The following S100Z variants were observed in gnomAD, a reference collection of about 807,000 sequenced individuals.
S100Z encodes the protein protein S100-Z.
In S100Z, 11 loss-of-function variants were observed where a neutral mutation model predicts 8.5. The observed-to-expected ratio is 1.30, with a 90% CI of 0.82 to 2.15. S100Z has a LOEUF of 2.15. S100Z is among the 30% of genes most tolerant of loss of function. The pLI, the probability that S100Z is intolerant of heterozygous loss-of-function variation, is 0.00. For synonymous variants in S100Z, 34 were observed against 43.8 expected (o/e 0.78, Z 0.89); for missense variants, 126 against 117.9 (o/e 1.07, Z -0.32).
chr5:76,854,677 G>A (rs1338723912), intron 1 of S100Z, among the ~76,000 whole-genome samples: 1 of 152,208 alleles, frequency 6.6e-6, no homozygotes, highest in African/African-American at 2.4e-5. Context: ...AAAATTTGCA[G>A]CCTAGCCATG....
intron 2 of S100Z, among the ~76,000 whole-genome samples, chr5:76,871,401 A>C (rs1350092576): frequency 6.6e-6 from 1 of 152,174 alleles, no homozygotes; most frequent in African/African-American, 2.4e-5. Flanking sequence ...TTTCATCTAC[A>C]TAAGAAGAAC....
chr5:76,869,683 A>G (rs1742933905), intron 1 of S100Z, among the ~76,000 whole-genome samples: 1 of 152,176 alleles, frequency 6.6e-6, no homozygotes, highest in Admixed American at 6.5e-5. Flanking sequence ...AAGGCCCCAA[A>G]GGTGGTGAAG....
intron 1 of S100Z, among the ~76,000 whole-genome samples, chr5:76,862,130 C>CGTGT (rs3053269): frequency 3.7e-3 from 548 of 147,136 alleles, no homozygotes; most frequent in Non-Finnish European, 6.1e-3. Flanking sequence ...AAGGAGTGTG[C>CGTGT]GTGTGTGTGT....
At chr5:76,928,022 C>T in the S100Z span, among the ~76,000 whole-genome samples, 2 of 152,188 alleles carry the variant, frequency 1.3e-5, no homozygotes, top group Admixed American at 6.5e-5. Flanking sequence ...GGGGCATGTG[C>T]TGGCATTACA....
At position 76,909,091 on chromosome 5, in the gene S100Z, TC is replaced by T. The variant is rs576572952; in HGVS notation, c.*3-11625del. ...GCAGGGTCCAGGGACCATTGTGGGT[TC>T]TTGGACAAGAGGTGTTTTCGGCTAC... On this transcript the variant is annotated intron_variant, in intron 4 of 4. Coordinates refer to ENST00000317593, the MANE Select transcript of S100Z (RefSeq NM_130772.4). 1.3e-4 allele frequency among the ~76,000 whole-genome samples: 20 copies of T among 152,282 alleles called. No homozygotes were observed. In the East Asian group the frequency reaches 3.1e-3, roughly 24 times the overall value.
At chr5:76,876,982 CT>C (rs2150642747) in intron 3 of S100Z, among the ~76,000 whole-genome samples, 1 of 152,302 alleles carries the variant, frequency 6.6e-6, no homozygotes, top group African/African-American at 2.4e-5. Flanking sequence ...ATGCAGGCAT[CT>C]TTATAAGACC....
chr5:76,898,936 T>TC (rs1554038884), intron 4 of S100Z, among the ~76,000 whole-genome samples: 8 of 140,804 alleles, frequency 5.7e-5, no homozygotes, highest in African/African-American at 2.1e-4. Context: ...TTCTTTTCTT[T>TC]TTTTTTTTTT....
At chr5:76,919,939 C>T (rs796109915) in intron 4 of S100Z, among the ~76,000 whole-genome samples, 4 of 144,218 alleles carry the variant, frequency 2.8e-5, no homozygotes, top group South Asian at 2.2e-4. Context: ...GACAGAGCCT[C>T]ACTCTGTAGC....
intron 4 of S100Z, among the ~76,000 whole-genome samples, chr5:76,911,100 G>A (rs951108743): frequency 2.0e-5 from 3 of 152,134 alleles, no homozygotes; most frequent in African/African-American, 7.2e-5. Flanking sequence ...CAATTTGGAA[G>A]GTCAAAAAAT....
At chr5:76,903,456 G>T (rs1744306030) in intron 4 of S100Z, among the ~76,000 whole-genome samples, 1 of 152,040 alleles carries the variant, frequency 6.6e-6, no homozygotes, top group Non-Finnish European at 1.5e-5. Context: ...TGTTTATTCA[G>T]TTGAAAAAGA....
At chr5:76,912,621 T>C (rs1379345199) in intron 4 of S100Z, among the ~76,000 whole-genome samples, 1 of 152,190 alleles carries the variant, frequency 6.6e-6, no homozygotes, top group Non-Finnish European at 1.5e-5. Flanking sequence ...TACATGCCCA[T>C]GCTGTAATAT....
At chr5:76,922,612 C>T (rs1309508992), downstream of S100Z, among the ~76,000 whole-genome samples, 3 of 152,196 alleles carry the variant, frequency 2.0e-5, no homozygotes, top group Admixed American at 6.5e-5. Context: ...CAAGCTCCGC[C>T]TCCTGGGTTC....
intron 3 of S100Z, among the ~76,000 whole-genome samples, chr5:76,876,929 G>A (rs1216394308): frequency 2.6e-5 from 4 of 152,060 alleles, no homozygotes; most frequent in Non-Finnish European, 4.4e-5. Context: ...TCCAACCTTC[G>A]TGAACCTTGT....
chr5:76,911,299 G>C (rs927849670), intron 4 of S100Z, among the ~76,000 whole-genome samples: 1 of 152,222 alleles, frequency 6.6e-6, no homozygotes, highest in African/African-American at 2.4e-5. Flanking sequence ...CGAACGGTCA[G>C]TGGAGACTAG....
intron 1 of S100Z, among the ~76,000 whole-genome samples, chr5:76,857,740 A>C (rs1750926566): frequency 6.6e-6 from 1 of 152,112 alleles, no homozygotes; most frequent in Non-Finnish European, 1.5e-5. Flanking sequence ...ACCTCTAGTG[A>C]TCTGCCTGCC....
At chr5:76,941,084 G>T in the S100Z span, among the ~76,000 whole-genome samples, 1 of 152,154 alleles carries the variant, frequency 6.6e-6, no homozygotes, top group African/African-American at 2.4e-5. Context: ...AATCTGTAAA[G>T]AAAAGAGGTT....
chr5:76,951,002 T>G, the S100Z span, among the ~76,000 whole-genome samples: 1 of 151,952 alleles, frequency 6.6e-6, no homozygotes, highest in Non-Finnish European at 1.5e-5. Flanking sequence ...TAGCTTGTAG[T>G]TTCCATCTTT....
chr5:76,930,314 C>G, the S100Z span, among the ~76,000 whole-genome samples: 1 of 152,152 alleles, frequency 6.6e-6, no homozygotes, highest in Non-Finnish European at 1.5e-5. Flanking sequence ...TATGCTCAGG[C>G]GTGGGCAGGT....
At position 76,877,704 on chromosome 5, in the gene S100Z, A is replaced by G. The variant is rs1320513065; in HGVS notation, c.172A>G (p.Ile58Val). The stretch of plus-strand genomic sequence containing the variant: ...AAAGGAAACCCAGTTGGTTGATAAG[A>G]TAGTGCAGGACCTGGATGCCAATAA... Reference protein sequence around the residue: ...CQKETQLVDKIVQDLDANKDN... With the variant: ...CQKETQLVDKVVQDLDANKDN... Residue 58 changes from isoleucine to valine, a missense_variant, in exon 4 of 5, where the codon ATA becomes GTA. Physicochemically the swap from Ile to Val is conservative, Grantham distance 29. Coordinates refer to ENST00000317593, the MANE Select transcript of S100Z (RefSeq NM_130772.4). The G allele has an allele frequency of 3.1e-6, 5 of 1,611,892 alleles. No homozygotes were observed. The highest frequency in any genetic ancestry group is 2.2e-5 in the East Asian group (1 of 44,854).
Sources: gnomAD v4.1 joint callset for allele counts (sites outside exome capture counted in the v4.1 genomes callset) on GRCh38, gnomAD v4.1.1 for gene constraint, MANE v1.5 for transcripts, NCBI Gene and HGNC (gene_info 2026-07-23, HGNC 2026-07-21) for gene names.